The following CNOT2 variants were observed in gnomAD, a reference collection of about 807,000 sequenced individuals.
The protein encoded by CNOT2 is CCR4-NOT transcription complex subunit 2.
CNOT2 carries 7 observed loss-of-function variants against 72.1 expected under a neutral mutation model. The observed-to-expected ratio is 0.10, with a 90% CI of 0.06 to 0.18. The LOEUF (loss-of-function observed/expected upper bound fraction) is 0.18. Ranked by LOEUF, CNOT2 falls within the 10% of genes least tolerant of loss-of-function variation. CNOT2 has a pLI of 1.00. For synonymous variants in CNOT2, 196 were observed against 225.6 expected, an observed-to-expected ratio of 0.87 and a Z score of 1.17; for missense variants, 345 against 660.3, an observed-to-expected ratio of 0.52 and a Z score of 5.23.
intron 15 of CNOT2, among the ~76,000 whole-genome samples, chr12:70,351,083 A>G (rs537475186): frequency 9.2e-5 from 14 of 152,222 alleles, no homozygotes; most frequent in Non-Finnish European, 1.8e-4. Context: ...AACTCTTTCT[A>G]GCCTTTGCAA....
chr12:70,312,199 C>G (rs554811481), intron 3 of CNOT2, among the ~76,000 whole-genome samples: 39 of 151,794 alleles, frequency 2.6e-4, no homozygotes, highest in African/African-American at 9.2e-4. Context: ...TAGCTATGTG[C>G]TATGTAACTT....
intron 13 of CNOT2, 170 bp downstream of exon 13, chr12:70,342,477 A>G: frequency 1.3e-6 from 1 of 762,280 alleles, no homozygotes; most frequent in Non-Finnish European, 2.0e-6. Context: ...CTGGTAAAAA[A>G]TAAAAATTCT....
At chr12:70,353,055 G>A (rs1883063447) in intron 15 of CNOT2, among the ~76,000 whole-genome samples, 1 of 150,238 alleles carries the variant, frequency 6.7e-6, no homozygotes, top group Non-Finnish European at 1.5e-5. Flanking sequence ...AATGAGGTTA[G>A]AATAATTTTA....
chr12:70,263,914 C>T (rs998534601), intron 1 of CNOT2, among the ~76,000 whole-genome samples: 2 of 152,224 alleles, frequency 1.3e-5, no homozygotes, highest in South Asian at 4.2e-4. Context: ...CCTGATGTCA[C>T]CCATGAGAGG....
intron 1 of CNOT2, among the ~76,000 whole-genome samples, chr12:70,252,674 A>AG (rs1210893701): frequency 7.9e-5 from 12 of 152,314 alleles, no homozygotes; most frequent in African/African-American, 2.9e-4. Flanking sequence ...GGAACTAACC[A>AG]GCCTGAAATG....
intron 1 of CNOT2, among the ~76,000 whole-genome samples, chr12:70,259,448 C>T (rs1195198389): frequency 6.6e-6 from 1 of 152,062 alleles, no homozygotes; most frequent in Non-Finnish European, 1.5e-5. Flanking sequence ...TTTATACACC[C>T]GTTTAACCAT....
chr12:70,294,587 A>C (rs1872528506), intron 2 of CNOT2, among the ~76,000 whole-genome samples: 1 of 152,158 alleles, frequency 6.6e-6, no homozygotes. Flanking sequence ...TGTATATAGC[A>C]GGTCCAGAAA....
At chr12:70,304,946 G>A (rs1162052256) in intron 2 of CNOT2, among the ~76,000 whole-genome samples, 4 of 152,350 alleles carry the variant, frequency 2.6e-5, no homozygotes, top group Admixed American at 1.3e-4. Flanking sequence ...AATGAGCCGG[G>A]CTCCGTGGGC....
intron 2 of CNOT2, among the ~76,000 whole-genome samples, chr12:70,281,055 T>C (rs1869734872): frequency 6.6e-6 from 1 of 152,040 alleles, no homozygotes; most frequent in Non-Finnish European, 1.5e-5. Context: ...ACCATCTTAA[T>C]TACCAATTTA....
At chr12:70,321,340 G>C (rs926603398) in intron 4 of CNOT2, among the ~76,000 whole-genome samples, 4 of 151,816 alleles carry the variant, frequency 2.6e-5, no homozygotes, top group African/African-American at 9.7e-5. Flanking sequence ...ATTTCTATCT[G>C]TTAGGACAGA....
chr12:70,305,873 GT>G (rs11412509), intron 2 of CNOT2, among the ~76,000 whole-genome samples: 5,112 of 60,134 alleles, frequency 0.085, 80 homozygotes, highest in Admixed American at 0.18. Flanking sequence ...TCTGAAGTTT[GT>G]TTTTTTTTTT....
At chr12:70,353,715 T>C in intron 15 of CNOT2, 114 bp from the exon 16 acceptor site, 1 of 1,474,422 alleles carries the variant, frequency 6.8e-7, no homozygotes, top group Non-Finnish European at 9.1e-7. Flanking sequence ...TATATCTGTG[T>C]TGATGTTGAT....
chr12:70,291,908 G>C, intron 2 of CNOT2, among the ~76,000 whole-genome samples: 1 of 152,200 alleles, frequency 6.6e-6, no homozygotes, highest in East Asian at 1.9e-4. Context: ...CTGCACTCCA[G>C]TCTGGGCGAC....
intron 2 of CNOT2, among the ~76,000 whole-genome samples, chr12:70,310,001 T>A (rs1449491230): frequency 6.6e-6 from 1 of 152,064 alleles, no homozygotes. Context: ...GTACAGACTG[T>A]TTTTTCTTGT....
rs576713245 is a variant in CNOT2, at chr12:70,316,855, C to G, written c.172-2443C>G. On this transcript the variant is annotated intron_variant, in intron 3 of 15. Coordinates refer to ENST00000229195, the MANE Select transcript of CNOT2 (RefSeq NM_014515.7). ...AGGGCAGGTAGATACCCAGGCATAT[C>G]TGTAACTCATGGATGTATAATCAGT... 1.6e-3 allele frequency among the ~76,000 whole-genome samples: 251 copies of G among 152,242 alleles called. 1 individual carries two copies. Among genetic ancestry groups the G allele is most frequent in the African/African-American group, 5.6e-3 (233 of 41,546 alleles).
intron 1 of CNOT2, among the ~76,000 whole-genome samples, chr12:70,259,420 T>A (rs1010778578): frequency 8.5e-5 from 13 of 152,204 alleles, no homozygotes; most frequent in Non-Finnish European, 1.2e-4. Flanking sequence ...TGTCCTTTTT[T>A]AAATTAGTTT....
At chr12:70,321,633 TTAA>T (rs1474045374) in intron 4 of CNOT2, 1 of 151,870 alleles carries the variant, frequency 6.6e-6, no homozygotes, top group East Asian at 1.9e-4. Context: ...AGTACCACTA[TTAA>T]TTCTGTTCAG....
intron 2 of CNOT2, among the ~76,000 whole-genome samples, chr12:70,309,777 A>G (rs1876129539): frequency 6.6e-6 from 1 of 152,148 alleles, no homozygotes. Context: ...GTTAGGAGAA[A>G]GACACATTGA....
At chr12:70,352,867 A>G (rs1272255134) in intron 15 of CNOT2, among the ~76,000 whole-genome samples, 1 of 152,166 alleles carries the variant, frequency 6.6e-6, no homozygotes, top group Non-Finnish European at 1.5e-5. Context: ...TGAAGTTAAT[A>G]CAGTATTTTG....
Sources: allele counts gnomAD v4.1 joint callset (sites outside exome capture counted in the v4.1 genomes callset), GRCh38; gene constraint gnomAD v4.1.1; transcripts MANE v1.5; gene names NCBI Gene and HGNC (gene_info 2026-07-23, HGNC 2026-07-21).